ZFP14: variants seen among roughly 807,000 people sequenced by gnomAD.
ZFP14 encodes the protein zinc finger protein 14 homolog.
Under a neutral mutation model 54.5 loss-of-function variants are expected in ZFP14, and 22 were observed. The ratio of observed to expected loss-of-function variants is 0.40; its 90% confidence interval spans 0.29 to 0.58. ZFP14 has a LOEUF of 0.58. Ranked by LOEUF, ZFP14 falls within the 20% of genes least tolerant of loss-of-function variation. ZFP14 has a pLI of 0.39. For missense variants in ZFP14, 470 were observed against 637.8 expected, an observed-to-expected ratio of 0.74 and a Z score of 2.83; for synonymous variants, 159 against 204.0, an observed-to-expected ratio of 0.78 and a Z score of 1.88.
rs2031266127 is a variant in ZFP14 at position 36,339,368 on chromosome 19, C to G, written c.*856G>C. 1 of 152,196 alleles carries G rather than the reference C, an allele frequency of 6.6e-6. No homozygotes were observed. 9.4% of individuals were successfully genotyped at this position (152,196 alleles called of 1,614,324 possible). ...GCAGGCTGACTCTAAACAGGCCCCC[C>G]AGTGGTCCTGTCTCCAGGACTTATT... On this transcript the variant is annotated 3_prime_UTR_variant, in exon 5 of 5. Transcript: ENST00000270001.
chr19:36,375,886 T>C (rs1171851607), intron 1 of ZFP14, among the ~76,000 whole-genome samples: 1 of 151,752 alleles, frequency 6.6e-6, no homozygotes, highest in African/African-American at 2.4e-5. Flanking sequence ...AGAGATGGGG[T>C]TTCGCCATTT....
At chr19:36,349,507 A>T (rs1053467159) in intron 4 of ZFP14, among the ~76,000 whole-genome samples, 2 of 150,470 alleles carry the variant, frequency 1.3e-5, no homozygotes, top group Non-Finnish European at 3.0e-5. Context: ...TCTACTAAAC[A>T]TACAAAAAAT....
chr19:36,349,574 G>A (rs1208474089), intron 4 of ZFP14, among the ~76,000 whole-genome samples: 1 of 151,014 alleles, frequency 6.6e-6, no homozygotes, highest in African/African-American at 2.4e-5. Context: ...GCTGAGGCAG[G>A]AGTATCACTT....
Position 36,337,864 on chromosome 19 carries a change from C to A in ZFP14, c.*2360G>T. On this transcript the variant is annotated 3_prime_UTR_variant, in exon 5 of 5. Transcript: ENST00000270001. ...AAAATCTCGCTATAAAATATTTCAC[C>A]TATTAGTTGTAGTACCCATTGAAGA... 2 of 152,160 alleles carry A rather than the reference C, an allele frequency of 1.3e-5. No individual in the cohort carries two copies. Among genetic ancestry groups the A allele is most frequent in the Admixed American group, 1.3e-4 (2 of 15,280 alleles). 9.4% of individuals were successfully genotyped at this position (152,160 alleles called of 1,614,324 possible).
intron 4 of ZFP14, among the ~76,000 whole-genome samples, chr19:36,358,331 G>A (rs372587674): frequency 9.2e-5 from 14 of 152,098 alleles, no homozygotes; most frequent in African/African-American, 3.1e-4. Context: ...GGCTGGTCTC[G>A]AACTCCTGAC....
chr19:36,342,562 C>G (rs12609058), intron 4 of ZFP14, among the ~76,000 whole-genome samples: 57,167 of 151,814 alleles, frequency 0.38, 10,729 homozygotes, highest in Admixed American at 0.42. Flanking sequence ...CCAAAAGACA[C>G]CTCAGCACTT....
At chr19:36,348,279 G>T (rs2031454599) in intron 4 of ZFP14, among the ~76,000 whole-genome samples, 1 of 152,076 alleles carries the variant, frequency 6.6e-6, no homozygotes, top group Non-Finnish European at 1.5e-5. Flanking sequence ...AAAAGGATTG[G>T]GTAGGTACTT....
Position 36,339,714 on chromosome 19 carries a change from G to A in ZFP14, c.*510C>T, listed in dbSNP as rs2031273704. 1 of 152,930 alleles carries A rather than the reference G, an allele frequency of 6.5e-6. No individual in the cohort carries two copies. The highest frequency in any genetic ancestry group is 2.1e-4 in the South Asian group (1 of 4,850). The allele number at this position is 152,930 out of a possible 1,614,324, so 9.5% of individuals were successfully genotyped here. A position where few individuals can be genotyped will look rare whatever the true frequency, so the allele number is the denominator to read the frequency against. ...TCTGGATGTGGATCCTTCCCCAGTTGAGCCTTCAGATGAGACCTCAGCCCT... is the reference window on the plus strand; with the variant it reads ...TCTGGATGTGGATCCTTCCCCAGTTAAGCCTTCAGATGAGACCTCAGCCCT... On this transcript the variant is annotated 3_prime_UTR_variant, in exon 5 of 5. Coordinates refer to ENST00000270001, the MANE Select transcript of ZFP14 (RefSeq NM_020917.3).
At chr19:36,354,365 C>A in intron 4 of ZFP14, among the ~76,000 whole-genome samples, 1 of 86,944 alleles carries the variant, frequency 1.2e-5, no homozygotes, top group African/African-American at 4.5e-5. Context: ...AGAGAGATTC[C>A]ATCTCAAAAA....
rs2031185730 is a variant in ZFP14 at position 36,335,927 on chromosome 19, G to C, written c.*4297C>G. 1 of 151,946 alleles carries C rather than the reference G, an allele frequency of 6.6e-6. No homozygotes were observed. The highest frequency in any genetic ancestry group is 1.5e-5 in the Non-Finnish European group (1 of 68,002). The allele number at this position is 151,946 out of a possible 1,614,324, so 9.4% of individuals were successfully genotyped here. On this transcript the variant is annotated 3_prime_UTR_variant, in exon 5 of 5. Transcript: ENST00000270001. ...TTTTTGTATTTTTAGTAGAGATGGG[G>C]TTTTGCTATGTTGGTCAGGCTGGTC...
intron 4 of ZFP14, 198 bp downstream of exon 4, chr19:36,360,237 A>C: frequency 8.0e-6 from 3 of 374,532 alleles, no homozygotes; most frequent in Non-Finnish European, 1.4e-5. Flanking sequence ...ACAGTGTTGC[A>C]TTCAAGATCA....
At chr19:36,374,058 T>C (rs961461603) in intron 1 of ZFP14, among the ~76,000 whole-genome samples, 3 of 152,204 alleles carry the variant, frequency 2.0e-5, no homozygotes, top group African/African-American at 7.2e-5. Context: ...GATGATGCCC[T>C]ATAGTAGCAA....
At chr19:36,345,223 A>G (rs2031393029) in intron 4 of ZFP14, among the ~76,000 whole-genome samples, 1 of 152,230 alleles carries the variant, frequency 6.6e-6, no homozygotes. Context: ...AGATTGTGCC[A>G]TTGCACTCCA....
chr19:36,351,202 G>GC (rs1022636875), intron 4 of ZFP14, among the ~76,000 whole-genome samples: 1 of 143,862 alleles, frequency 7.0e-6, no homozygotes, highest in African/African-American at 2.5e-5. Flanking sequence ...GTGGAATTAA[G>GC]ATACATGACA....
At chr19:36,361,366 A>G (rs1374608640) in intron 3 of ZFP14, among the ~76,000 whole-genome samples, 6 of 151,874 alleles carry the variant, frequency 4.0e-5, no homozygotes, top group African/African-American at 1.2e-4. Context: ...CAGCCTCCCA[A>G]GTAGCTGGGA....
rs1348515457 is a variant in ZFP14 at position 36,341,724 on chromosome 19, G to T, written c.236-134C>A. ...TGTTACAAATTGAATGGATTAGACA[G>T]ATCTCAAACATAGACATTTCTGCCA... On this transcript the variant is annotated intron_variant, in intron 4 of 4. Coordinates refer to ENST00000270001, the MANE Select transcript of ZFP14 (RefSeq NM_020917.3). The surrounding 1 kb of genome is among the most constrained non-coding windows in gnomAD (Gnocchi z 4.2). The T allele has an allele frequency of 1.3e-6, 1 of 771,668 alleles. No homozygotes were observed. The highest frequency in any genetic ancestry group is 1.9e-6 in the Non-Finnish European group (1 of 526,856). 47.8% of individuals were successfully genotyped at this position (771,668 alleles called of 1,614,324 possible).
chr19:36,346,020 CGAT>C (rs1203239931), intron 4 of ZFP14, among the ~76,000 whole-genome samples: 2 of 152,066 alleles, frequency 1.3e-5, no homozygotes. Flanking sequence ...TGGCCAGGCA[CGAT>C]GACTCATGCC....
chr19:36,347,289 C>T (rs141469385), intron 4 of ZFP14, among the ~76,000 whole-genome samples: 1 of 152,184 alleles, frequency 6.6e-6, no homozygotes, highest in African/African-American at 2.4e-5. Context: ...CTATGACAAC[C>T]AAGGCTAATT....
At chr19:36,378,574 T>A (rs2031999135) in intron 1 of ZFP14, 1 of 152,122 alleles carries the variant, frequency 6.6e-6, no homozygotes, top group East Asian at 1.9e-4. Context: ...CACAAACTCA[T>A]CTGGATGTTG....
Sources: gnomAD v4.1 joint callset for allele counts (sites outside exome capture counted in the v4.1 genomes callset) on GRCh38, gnomAD v4.1.1 for gene constraint, Gnocchi (gnomAD v3.1) non-coding constraint, MANE v1.5 for transcripts, NCBI Gene and HGNC (gene_info 2026-07-23, HGNC 2026-07-21) for gene names.